Variants in RTN4 observed in about 807,000 individuals in gnomAD.
The protein encoded by RTN4 is reticulon-4.
Under a neutral mutation model 90.4 loss-of-function variants are expected in RTN4, and 32 were observed. The ratio of observed to expected loss-of-function variants is 0.35; its 90% CI spans 0.27 to 0.48. RTN4 has a LOEUF of 0.48. Among genes scored for constraint, RTN4 ranks in the 20% least tolerant of loss-of-function variants. The pLI, the probability that RTN4 is intolerant of heterozygous loss-of-function variation, is 0.99. For synonymous variants in RTN4, 629 were observed against 552.5 expected (o/e 1.14, Z -1.94); for missense variants, 1,706 against 1,430.2 (o/e 1.19, Z -3.11).
chr2:55,073,295 C>T lies in RTN4; in HGVS notation c.-63+7194G>A, dbSNP rs571612599. 9.9e-5 allele frequency among the ~76,000 whole-genome samples: 15 copies of T among 152,210 alleles called. No homozygotes were observed. The South Asian group carries it at 2.3e-3, about 23-fold the overall frequency. On this transcript the variant is annotated intron_variant, in intron 2 of 3. Coordinates refer to the RTN4 transcript ENST00000427710. ...TCCGTAAATACCAAACAACCAAGAGCGTTAATTTTATCATCCAATGTGCAT... is the reference window on the plus strand; with the variant it reads ...TCCGTAAATACCAAACAACCAAGAGTGTTAATTTTATCATCCAATGTGCAT...
At chr2:54,996,511 T>C (rs1013240585) in intron 3 of RTN4, among the ~76,000 whole-genome samples, 3 of 152,226 alleles carry the variant, frequency 2.0e-5, no homozygotes, top group Admixed American at 6.5e-5. Context: ...GGAATACAAC[T>C]GATAACCCAG....
At chr2:55,091,385 T>G (rs1465852471) in intron 1 of RTN4, among the ~76,000 whole-genome samples, 2 of 152,244 alleles carry the variant, frequency 1.3e-5, no homozygotes, top group Non-Finnish European at 2.9e-5. Flanking sequence ...GCTATTTTTC[T>G]GCCTGGAATG....
the RTN4 span, among the ~76,000 whole-genome samples, chr2:55,132,853 C>T: frequency 1.2e-3 from 182 of 148,934 alleles, no homozygotes; most frequent in African/African-American, 4.3e-3. Context: ...ATAAATATAC[C>T]GATCATTTTA....
chr2:55,086,614 G>A (rs1352107134), intron 1 of RTN4, among the ~76,000 whole-genome samples: 2 of 152,040 alleles, frequency 1.3e-5, no homozygotes, highest in Admixed American at 6.6e-5. Flanking sequence ...AGGCTGCAGT[G>A]AGCTGTGATC....
rs188766423 is a variant in RTN4 at position 55,096,521 on chromosome 2, C to T, written c.-213-15882G>A. Among the ~76,000 whole-genome samples the T allele has an allele frequency of 2.0e-5, 3 of 152,290 alleles. No homozygotes were observed. The East Asian group carries it at 5.8e-4, about 29-fold the overall frequency. The stretch of plus-strand genomic sequence containing the variant: ...CCACTCCTCATCAGCATTATCTCCA[C>T]AGTCTCAAGTCTAAGTTCCCAGACT... On this transcript the variant is annotated intron_variant, in intron 1 of 3. Transcript: ENST00000427710.
intron 3 of RTN4, among the ~76,000 whole-genome samples, chr2:54,998,030 G>T (rs1476768977): frequency 6.6e-6 from 1 of 152,116 alleles, no homozygotes; most frequent in Admixed American, 6.6e-5. Context: ...ACTGATACAT[G>T]TTACAACCCA....
chr2:55,074,332 G>A (rs1668564199), intron 2 of RTN4, among the ~76,000 whole-genome samples: 1 of 151,910 alleles, frequency 6.6e-6, no homozygotes. Flanking sequence ...CAAGACCCCT[G>A]TCTCTACAAA....
intron 3 of RTN4, among the ~76,000 whole-genome samples, chr2:54,993,449 G>A (rs139059305): frequency 1.2e-4 from 18 of 152,252 alleles, no homozygotes; most frequent in East Asian, 7.7e-4. Flanking sequence ...GGTGTTCTGC[G>A]TTGAATCAAG....
chr2:55,127,002 T>A, the RTN4 span, among the ~76,000 whole-genome samples: 8 of 152,026 alleles, frequency 5.3e-5, no homozygotes, highest in South Asian at 1.7e-3. Flanking sequence ...GACACTGGGG[T>A]CTACTTGAGG....
intron 5 of RTN4, among the ~76,000 whole-genome samples, chr2:54,975,030 G>A (rs892270629): frequency 1.3e-5 from 2 of 152,152 alleles, no homozygotes; most frequent in Non-Finnish European, 1.5e-5. Flanking sequence ...TATACCAAGG[G>A]TGCATCTTAC....
At position 54,973,564 on chromosome 2, in the gene RTN4, T is replaced by G; in HGVS notation, c.3535A>C (p.Lys1179Gln). 1 of 1,603,150 alleles carries G rather than the reference T, an allele frequency of 6.2e-7. No homozygotes were observed. Reference sequence around the variant, plus strand: ...ACACTGCAGATTTTAAATACTTACTTAGCCATAGCATCTTTAACATTCTTA... The same window carrying G: ...ACACTGCAGATTTTAAATACTTACTGAGCCATAGCATCTTTAACATTCTTA... ...ANKNVKDAMA[K>Q]IQAKIPGLKR... The change falls in exon 8 of 9, where the codon AAA becomes CAA. Residue 1179 changes from lysine to glutamine, a missense_variant and splice_region_variant. Lys to Gln is a moderately conservative substitution (Grantham distance 53). Transcript: ENST00000337526.
chr2:55,018,702 T>C (rs1681214150), intron 3 of RTN4, among the ~76,000 whole-genome samples: 1 of 152,140 alleles, frequency 6.6e-6, no homozygotes. Flanking sequence ...GAGAATGGAT[T>C]AGAATTAGAG....
chr2:55,027,627 ATAGAG>A (rs1471845773), intron 2 of RTN4, 142 bp from the exon 3 acceptor site: 2 of 807,254 alleles, frequency 2.5e-6, no homozygotes, highest in Admixed American at 3.1e-5. Context: ...ATAAGTAACA[ATAGAG>A]TAGACTTCAA....
the RTN4 span, among the ~76,000 whole-genome samples, chr2:55,124,737 A>T: frequency 6.6e-6 from 1 of 152,366 alleles, no homozygotes; most frequent in Non-Finnish European, 1.5e-5. Flanking sequence ...TGGAACAAAA[A>T]AAGAGCCTGA....
intron 1 of RTN4, among the ~76,000 whole-genome samples, chr2:55,107,885 C>T (rs565585306): frequency 1.3e-5 from 2 of 152,156 alleles, no homozygotes; most frequent in Non-Finnish European, 2.9e-5. Flanking sequence ...AGATTCTGTA[C>T]AACCTCATCA....
chr2:55,064,305 C>T (rs1292921101), intron 2 of RTN4, among the ~76,000 whole-genome samples: 2 of 150,194 alleles, frequency 1.3e-5, no homozygotes, highest in Non-Finnish European at 1.5e-5. Flanking sequence ...AACTACAGCA[C>T]TTTGGCAACA....
In RTN4 at chr2:55,050,046, G is replaced by A. The variant is rs371477279; in HGVS notation, c.255C>T (p.Phe85=). 199 of 1,413,860 alleles carry A rather than the reference G, an allele frequency of 1.4e-4. No homozygotes were observed. In the African/African-American group the frequency reaches 2.7e-3, roughly 19 times the overall value. The allele number at this position is 1,413,860 out of a possible 1,614,324, so 87.6% of individuals were successfully genotyped here. Residue 85 remains phenylalanine (F), a synonymous_variant, in exon 1 of 9, where the codon TTC becomes TTT. Coordinates refer to ENST00000337526, the MANE Select transcript of RTN4 (RefSeq NM_020532.5). The surrounding 1 kb of genome is among the most constrained non-coding windows in gnomAD (Gnocchi z 4.6). ...GAPLMDFGND[F]VPPAPRGPLP... Reference sequence around the variant, plus strand: ...GGGGTCCCCGGGGCGCCGGCGGCACGAAGTCATTTCCGAAGTCCATCAGGG... The same window carrying A: ...GGGGTCCCCGGGGCGCCGGCGGCACAAAGTCATTTCCGAAGTCCATCAGGG...
upstream of RTN4, among the ~76,000 whole-genome samples, chr2:55,055,595 G>A (rs984193709): frequency 1.1e-4 from 16 of 151,866 alleles, no homozygotes; most frequent in Non-Finnish European, 1.6e-4. Flanking sequence ...GTGAAACCCC[G>A]TCTCTACTAA....
intron 2 of RTN4, among the ~76,000 whole-genome samples, chr2:55,061,605 A>G (rs1668295541): frequency 6.6e-6 from 1 of 152,216 alleles, no homozygotes; most frequent in South Asian, 2.1e-4. Context: ...AGAGACAGAA[A>G]CAGGAACAAT....
Sources: gnomAD v4.1 joint callset for allele counts (sites outside exome capture counted in the v4.1 genomes callset) on GRCh38, gnomAD v4.1.1 for gene constraint, Gnocchi (gnomAD v3.1) non-coding constraint, MANE v1.5 for transcripts, NCBI Gene and HGNC (gene_info 2026-07-23, HGNC 2026-07-21) for gene names.